The following PKD1 variants were observed in gnomAD, a reference collection of about 807,000 sequenced individuals.
The protein encoded by PKD1 is polycystin 1, transient receptor potential channel interacting.
Under a neutral mutation model 361.7 loss-of-function variants are expected in PKD1, and 81 were observed. That is an observed-to-expected ratio of 0.22 (90% CI 0.19 to 0.27). The LOEUF (loss-of-function observed/expected upper bound fraction) is 0.27, where lower values mean the gene tolerates loss of function less well. PKD1 is among the 10% of genes least tolerant of loss of function. The pLI, the probability that PKD1 is intolerant of heterozygous loss-of-function variation, is 1.00. For synonymous variants in PKD1, 3,615 were observed against 2,818.3 expected, an observed-to-expected ratio of 1.28 and a Z score of -8.95; for missense variants, 6,399 against 6,118.3, an observed-to-expected ratio of 1.05 and a Z score of -1.53.
intron 20 of PKD1, 175 bp from the exon 21 acceptor site, chr16:2,105,649 C>T: frequency 7.4e-6 from 11 of 1,483,778 alleles, no homozygotes; most frequent in Non-Finnish European, 9.0e-6. Flanking sequence ...CACATGGGCC[C>T]TCCTGGGCGG....
chr16:2,129,171 T>G (rs2092836576), intron 1 of PKD1, among the ~76,000 whole-genome samples: 1 of 151,288 alleles, frequency 6.6e-6, no homozygotes, highest in South Asian at 2.1e-4. Context: ...TGTTTTTTTT[T>G]TTTTTTTTTA....
At position 2,088,783 on chromosome 16, in the gene PKD1, G is replaced by A. The variant is rs554255347; in HGVS notation, c.*944C>T. ...GGGGGGGTGTCGAGGCTCTAGAAGCGGCCATGCCCACAGAAGTGGTACACA... is the reference window on the plus strand; with the variant it reads ...GGGGGGGTGTCGAGGCTCTAGAAGCAGCCATGCCCACAGAAGTGGTACACA... On this transcript the variant is annotated 3_prime_UTR_variant, in exon 46 of 46. Coordinates refer to ENST00000262304, the MANE Select transcript of PKD1 (RefSeq NM_001009944.3). 1.2e-4 allele frequency: 110 copies of A among 889,384 alleles called. No homozygotes were observed. Among genetic ancestry groups the A allele is most frequent in the Non-Finnish European group, 1.6e-4 (96 of 597,088 alleles). 55.1% of individuals were successfully genotyped at this position (889,384 alleles called of 1,614,324 possible).
At chr16:2,093,457 G>C (rs1347832759) in intron 37 of PKD1, 87 bp downstream of exon 37, 17 of 1,270,482 alleles carry the variant, frequency 1.3e-5, no homozygotes, top group Middle Eastern at 5.1e-4. Flanking sequence ...GGTGAGGAAA[G>C]GGGGACAGGA....
intron 1 of PKD1, among the ~76,000 whole-genome samples, chr16:2,128,869 ATT>A (rs58863130): frequency 6.2e-5 from 9 of 144,822 alleles, no homozygotes; most frequent in African/African-American, 2.0e-4. Flanking sequence ...CACGCTCAGC[ATT>A]TTTTTTTTTT....
Position 2,103,890 on chromosome 16 carries a change from G to A in PKD1, c.8167C>T (p.Leu2723Phe), listed in dbSNP as rs1226316842. Residue 2723 changes from leucine (L) to phenylalanine (F), a missense_variant, in exon 23 of 46, where the codon CTC (leucine) becomes TTC (phenylalanine). Transcript: ENST00000262304. Reference protein sequence around the residue: ...GDSILNITGDLIHLASSDVRA... With the variant: ...GDSILNITGDFIHLASSDVRA... ...ACGTCCGAGCTGGCCAGGTGGATGAGGTCTCCTGCAGACATGCGTGAGGTC... is the reference window on the plus strand; with the variant it reads ...ACGTCCGAGCTGGCCAGGTGGATGAAGTCTCCTGCAGACATGCGTGAGGTC... 1.3e-6 allele frequency: 2 copies of A among 1,588,206 alleles called. No homozygotes were observed. Among genetic ancestry groups the A allele is most frequent in the South Asian group, 2.2e-5 (2 of 89,152 alleles).
chr16:2,123,290 G>T (rs2092750817), intron 1 of PKD1, among the ~76,000 whole-genome samples: 1 of 152,070 alleles, frequency 6.6e-6, no homozygotes, highest in African/African-American at 2.4e-5. Flanking sequence ...GCAGTGGAAT[G>T]AAGCTGGGGC....
rs758484008 is a variant in PKD1, at chr16:2,117,521, G to A, written c.1353C>T (p.Ala451=). Residue 451 remains alanine (A), a synonymous_variant, in exon 6 of 46, where the codon GCC becomes GCT. Transcript: ENST00000262304. ...CCCGGGAGACCAGGAAGCGCTGCAC[G>A]GCGGGACTGTCCACCATTGCCAGGG... ...GAALAMVDSP[A]VQRFLVSRVT... The A allele has an allele frequency of 1.5e-5, 23 of 1,585,454 alleles. No individual in the cohort carries two copies. Among genetic ancestry groups the A allele is most frequent in the African/African-American group, 2.7e-5 (2 of 74,426 alleles).
Position 2,103,578 on chromosome 16 carries a change from A to G in PKD1, c.8479T>C (p.Phe2827Leu), listed in dbSNP as rs2092195696. 2 of 1,610,168 alleles carry G rather than the reference A, an allele frequency of 1.2e-6. No homozygotes were observed. Among genetic ancestry groups the G allele is most frequent in the Non-Finnish European group, 1.7e-6 (2 of 1,179,702 alleles). ...ANLSDVVQLI[F>L]LVDSNPFPFG... ...GGAAAGGGATTGGAGTCCACCAGAA[A>G]GATGAGCTGCACCACGTCACTGAGG... Residue 2827 changes from phenylalanine (F) to leucine (L), a missense_variant, in exon 23 of 46, where the codon TTT (phenylalanine) becomes CTT (leucine). Transcript: ENST00000262304.
Position 2,093,531 on chromosome 16 carries a change from C to T in PKD1, c.11016+13G>A. 7 of 1,588,834 alleles carry T rather than the reference C, an allele frequency of 4.4e-6. No individual in the cohort carries two copies. The highest frequency in any genetic ancestry group is 6.0e-6 in the Non-Finnish European group (7 of 1,167,690). ...ACGGAGGTGGCAGGGGCACAGGCCG[C>T]ACCCAGGCTCACCCGCAGCATGCCA... is the stretch of plus-strand genomic sequence containing the variant. On this transcript the variant is annotated intron_variant, in intron 37 of 45. Coordinates refer to ENST00000262304, the MANE Select transcript of PKD1 (RefSeq NM_001009944.3).
In PKD1 at chr16:2,105,572, G is replaced by C. The variant is rs1231195153; in HGVS notation, c.7864-98C>G. 12 of 1,593,582 alleles carry C rather than the reference G, an allele frequency of 7.5e-6. No homozygotes were observed. In the Admixed American group the frequency reaches 8.4e-5, roughly 11 times the overall value. On this transcript the variant is annotated intron_variant, in intron 20 of 45. Transcript: ENST00000262304. ...ACTCCCGGGGTGCAGTTACGTGCTA[G>C]ACGCTGTGTGATGCGGGCACTGACC...
In PKD1 at chr16:2,093,845, A is replaced by T. The variant is rs1252726886; in HGVS notation, c.10787T>A (p.Phe3596Tyr). The T allele has an allele frequency of 6.4e-7, 1 of 1,564,700 alleles. No homozygotes were observed. The highest frequency in any genetic ancestry group is 8.6e-7 in the Non-Finnish European group (1 of 1,160,778). Residue 3596 changes from phenylalanine (F) to tyrosine (Y), a missense_variant, in exon 36 of 46, where the codon TTC becomes TAC. Physicochemically the swap from Phe to Tyr is conservative, Grantham distance 22 (BLOSUM62 3). Coordinates refer to ENST00000262304, the MANE Select transcript of PKD1 (RefSeq NM_001009944.3). The part of the protein sequence containing the change: ...VAWLLSSSAS[F>Y]LASFLGWEPL... ...CTCCCAGCCGAGGAATGAGGCCAGG[A>T]AGCTGGCGCTGCTGGACAGGAGCCA...
At position 2,089,540 on chromosome 16, in the gene PKD1, T is replaced by G. The variant is rs1596469944; in HGVS notation, c.*187A>C. ...CCCAAGGGAGCTGGGGAGGGGACCC[T>G]GGGTCCTGGTTGGCCACACAGCCTC... is the stretch of plus-strand genomic sequence containing the variant. On this transcript the variant is annotated 3_prime_UTR_variant, in exon 46 of 46. Coordinates refer to ENST00000262304, the MANE Select transcript of PKD1 (RefSeq NM_001009944.3). 2.9e-6 allele frequency: 2 copies of G among 680,744 alleles called. No homozygotes were observed. Among genetic ancestry groups the G allele is most frequent in the East Asian group, 2.7e-5 (1 of 36,534 alleles). The allele number at this position is 680,744 out of a possible 1,614,324, so 42.2% of individuals were successfully genotyped here.
In PKD1 at chr16:2,106,497, G is replaced by A. The variant is rs762786891; in HGVS notation, c.7390C>T (p.Arg2464Cys). 4.1e-5 allele frequency: 66 copies of A among 1,594,334 alleles called. No homozygotes were observed. The highest frequency in any genetic ancestry group is 5.1e-5 in the Non-Finnish European group (60 of 1,178,036). Reference sequence around the variant, plus strand: ...AGCGGCGGGCGGTTGGGGGACAGGCGGATGGAGGCGCAGCCCTCCTCCTCG... The same window carrying A: ...AGCGGCGGGCGGTTGGGGGACAGGCAGATGGAGGCGCAGCCCTCCTCCTCG... The part of the protein sequence containing the change: ...SGEEEGCASI[R>C]LSPNRPPLGG... The change falls in exon 18 of 46, where the codon CGC becomes TGC. Residue 2464 changes from arginine (R) to cysteine (C), a missense_variant. Physicochemically the swap from Arg to Cys is radical, Grantham distance 180. Transcript: ENST00000262304. The surrounding 1 kb of genome is among the most constrained non-coding windows in gnomAD (Gnocchi z 6.5).
chr16:2,107,274 C>T (rs1596545134), intron 16 of PKD1: 1 of 422,752 alleles, frequency 2.4e-6, no homozygotes, highest in East Asian at 4.9e-5. Flanking sequence ...GTGAGGACCG[C>T]AGCTGCCACG....
intron 1 of PKD1, among the ~76,000 whole-genome samples, chr16:2,133,708 G>A (rs940296143): frequency 3.9e-5 from 6 of 151,904 alleles, no homozygotes; most frequent in Non-Finnish European, 7.4e-5. Flanking sequence ...CCCCAGGTGT[G>A]TACAGAACAG....
intron 26 of PKD1, among the ~76,000 whole-genome samples, chr16:2,101,053 T>G (rs1377682991): frequency 6.6e-6 from 1 of 151,842 alleles, no homozygotes; most frequent in Admixed American, 6.6e-5. Flanking sequence ...TGGCGCAATC[T>G]CAGCTCACTG....
In PKD1 at chr16:2,112,848, T is replaced by A. The variant is rs28681051; in HGVS notation, c.3101A>T (p.Asn1034Ile). The A allele has an allele frequency of 6.6e-5, 106 of 1,604,894 alleles. No individual in the cohort carries two copies. In the African/African-American group the frequency reaches 1.3e-3, roughly 19 times the overall value. ...VSTVPAVLSP[N>I]ATLALTAGVL... Reference sequence around the variant, plus strand: ...GCCCGCCGTCAGTGCTAGCGTGGCATTGGGGGACAGCACGGCCGGCACTGT... The same window carrying A: ...GCCCGCCGTCAGTGCTAGCGTGGCAATGGGGGACAGCACGGCCGGCACTGT... Residue 1034 changes from asparagine to isoleucine, a missense_variant, in exon 13 of 46, where the codon AAT (asparagine) becomes ATT (isoleucine). Physicochemically the swap from Asn to Ile is moderately radical, Grantham distance 149. Coordinates refer to ENST00000262304, the MANE Select transcript of PKD1 (RefSeq NM_001009944.3).
intron 34 of PKD1, among the ~76,000 whole-genome samples, chr16:2,096,490 A>G (rs145534196): frequency 6.6e-6 from 1 of 152,242 alleles, no homozygotes; most frequent in Non-Finnish European, 1.5e-5. Flanking sequence ...ATTTGTTGAT[A>G]AGTTACAAAA....
At position 2,088,872 on chromosome 16, in the gene PKD1, TGCGCGCGC is replaced by T. The variant is rs561630495; in HGVS notation, c.*847_*854del. The T allele has an allele frequency of 2.0e-6, 1 of 500,476 alleles. No individual in the cohort carries two copies. The highest frequency in any genetic ancestry group is 3.6e-6 in the Non-Finnish European group (1 of 276,960). The allele number at this position is 500,476 out of a possible 1,614,324, so 31.0% of individuals were successfully genotyped here. A position where few individuals can be genotyped will look rare whatever the true frequency, so the allele number is the denominator to read the frequency against. On this transcript the variant is annotated 3_prime_UTR_variant, in exon 46 of 46. Transcript: ENST00000262304. ...CTGGGCCATACAGCACACTCGCGCGTGCGCGCGCGCACACACACACACACACAGTCACC... is the reference window on the plus strand; with the variant it reads ...CTGGGCCATACAGCACACTCGCGCGTGCACACACACACACACACAGTCACC...
Sources: allele counts gnomAD v4.1 joint callset (sites outside exome capture counted in the v4.1 genomes callset), GRCh38; gene constraint gnomAD v4.1.1; non-coding constraint Gnocchi (gnomAD v3.1); transcripts MANE v1.5; gene names NCBI Gene and HGNC (gene_info 2026-07-23, HGNC 2026-07-21).